The following MDM1 variants were observed in gnomAD, a reference collection of about 807,000 sequenced individuals.
MDM1 encodes stabilizer of axonemal microtubules 6, also known as Mdm1 nuclear protein.
A neutral mutation model predicts 89.1 loss-of-function variants in MDM1; 61 were observed. The ratio of observed to expected loss-of-function variants is 0.68; its 90% CI spans 0.56 to 0.85. MDM1 has a LOEUF of 0.85. Ranked by LOEUF, MDM1 falls within the 40% of genes least tolerant of loss-of-function variation. MDM1 has a pLI of 0.00. For synonymous variants in MDM1, 290 were observed against 294.1 expected (o/e 0.99, Z 0.14); for missense variants, 820 against 846.5 (o/e 0.97, Z 0.39).
chr12:68,319,591 T>C (rs1874954059), intron 7 of MDM1, among the ~76,000 whole-genome samples: 1 of 152,174 alleles, frequency 6.6e-6, no homozygotes, highest in African/African-American at 2.4e-5. Flanking sequence ...AAGTAAAACA[T>C]GGCTCATATT....
intron 5 of MDM1, among the ~76,000 whole-genome samples, chr12:68,322,559 G>A (rs922564479): frequency 4.6e-5 from 7 of 152,098 alleles, no homozygotes; most frequent in Non-Finnish European, 7.4e-5. Flanking sequence ...GCTTGAATCC[G>A]GGAGGCAGAG....
At chr12:68,328,471 G>A (rs1876329131) in intron 2 of MDM1, among the ~76,000 whole-genome samples, 1 of 152,130 alleles carries the variant, frequency 6.6e-6, no homozygotes, top group South Asian at 2.1e-4. Flanking sequence ...GGCTAAATTG[G>A]CAACTCCAGA....
intron 4 of MDM1, among the ~76,000 whole-genome samples, chr12:68,324,208 G>A (rs1031853146): frequency 5.9e-5 from 9 of 152,000 alleles, no homozygotes; most frequent in African/African-American, 2.2e-4. Flanking sequence ...TCTACACAAC[G>A]CTTTCACTGA....
intron 13 of MDM1, among the ~76,000 whole-genome samples, chr12:68,300,029 T>A (rs1871934278): frequency 6.6e-6 from 1 of 152,312 alleles, no homozygotes; most frequent in Non-Finnish European, 1.5e-5. Context: ...TGGGGTCCTA[T>A]CTTTAGCCTC....
chr12:68,313,250 T>C (rs1326362420), intron 12 of MDM1, among the ~76,000 whole-genome samples, 193 bp downstream of exon 12: 1 of 152,214 alleles, frequency 6.6e-6, no homozygotes, highest in Non-Finnish European at 1.5e-5. Flanking sequence ...AGGTTGAAAG[T>C]GTATCAACAA....
At chr12:68,314,149 A>C (rs1431586182) in intron 10 of MDM1, among the ~76,000 whole-genome samples, 1 of 151,952 alleles carries the variant, frequency 6.6e-6, no homozygotes, top group Non-Finnish European at 1.5e-5. Context: ...AAAAAAAAAA[A>C]AAAAACTTGT....
At chr12:68,304,265 A>G (rs1452711360) in intron 12 of MDM1, among the ~76,000 whole-genome samples, 1 of 152,174 alleles carries the variant, frequency 6.6e-6, no homozygotes, top group Non-Finnish European at 1.5e-5. Flanking sequence ...AAAAAAATTA[A>G]ATTAAATTAA....
chr12:68,331,877 G>A (rs1026376078), intron 1 of MDM1: 2 of 576,216 alleles, frequency 3.5e-6, no homozygotes, highest in Non-Finnish European at 6.5e-6. Flanking sequence ...GGTAATGGGG[G>A]TTAAATGCTA....
At chr12:68,330,984 C>A in intron 2 of MDM1, 123 bp downstream of exon 2, 1 of 659,216 alleles carries the variant, frequency 1.5e-6, no homozygotes, top group South Asian at 1.8e-5. Context: ...ACCAGGCCAA[C>A]TGAACTTTTA....
chr12:68,316,279 A>G (rs1413267804), intron 8 of MDM1, 26 bp from the exon 9 acceptor site: 2 of 1,587,280 alleles, frequency 1.3e-6, no homozygotes, highest in South Asian at 1.1e-5. Flanking sequence ...CAGACATCAT[A>G]TACTATTGTA....
intron 4 of MDM1, among the ~76,000 whole-genome samples, chr12:68,323,795 A>G (rs2121109231): frequency 6.6e-6 from 1 of 152,304 alleles, no homozygotes; most frequent in Non-Finnish European, 1.5e-5. Flanking sequence ...AAGGAAAGCA[A>G]ATGGAAAAGA....
chr12:68,318,794 C>T lies in MDM1; in HGVS notation c.1006-2184G>A, dbSNP rs987485674. Among the ~76,000 whole-genome samples the T allele has an allele frequency of 3.3e-5, 5 of 152,220 alleles. No individual in the cohort carries two copies. In the East Asian group the frequency reaches 9.6e-4, roughly 29 times the overall value. Reference sequence around the variant, plus strand: ...TGTTATCATATTATATATTATGATACAATTATAAGTAGAATGTTTCCTTTT... The same window carrying T: ...TGTTATCATATTATATATTATGATATAATTATAAGTAGAATGTTTCCTTTT... On this transcript the variant is annotated intron_variant, in intron 7 of 14. Coordinates refer to ENST00000682720, the MANE Select transcript of MDM1 (RefSeq NM_001354969.2).
At chr12:68,320,972 G>C (rs1407010538) in intron 7 of MDM1, 1 of 162,310 alleles carries the variant, frequency 6.2e-6, no homozygotes, top group African/African-American at 2.4e-5. Flanking sequence ...TTGACAATGG[G>C]CATCACTATC....
intron 14 of MDM1, among the ~76,000 whole-genome samples, chr12:68,295,951 T>C (rs1455592180): frequency 6.6e-6 from 1 of 152,208 alleles, no homozygotes; most frequent in South Asian, 2.1e-4. Context: ...GATTCAAAGT[T>C]GTCAGACATT....
chr12:68,302,122 T>C (rs1872247075), intron 13 of MDM1, among the ~76,000 whole-genome samples: 1 of 152,068 alleles, frequency 6.6e-6, no homozygotes, highest in African/African-American at 2.4e-5. Flanking sequence ...TTCAGAACAT[T>C]AGATATGAAG....
chr12:68,327,482 G>C (rs766863345), intron 2 of MDM1: 15 of 1,535,928 alleles, frequency 9.8e-6, no homozygotes, highest in Non-Finnish European at 1.3e-5. Flanking sequence ...CACTGTGCTG[G>C]ATCTTGGTTC....
At chr12:68,316,696 C>G (rs539366588) in intron 7 of MDM1, 86 bp from the exon 8 acceptor site, 4 of 1,066,676 alleles carry the variant, frequency 3.7e-6, no homozygotes, top group Non-Finnish European at 5.4e-6. Context: ...ACATTATTCT[C>G]CCTTCTAAAT....
intron 12 of MDM1, among the ~76,000 whole-genome samples, 174 bp downstream of exon 12, chr12:68,313,269 T>C (rs981204219): frequency 1.3e-5 from 2 of 152,228 alleles, no homozygotes; most frequent in African/African-American, 4.8e-5. Flanking sequence ...AAAAACGTAA[T>C]GCTTCTAACA....
rs1244762235 is a variant in MDM1 at position 68,326,724 on chromosome 12, G to A, written c.431C>T (p.Thr144Ile). The A allele has an allele frequency of 1.9e-6, 3 of 1,614,012 alleles. No individual in the cohort carries two copies. The highest frequency in any genetic ancestry group is 3.3e-5 in the Admixed American group (2 of 59,996). The change falls in exon 3 of 15, where the codon ACA (threonine) becomes ATA (isoleucine). Residue 144 changes from threonine (T) to isoleucine (I), a missense_variant. By Grantham distance (89) the Thr-to-Ile change is moderately conservative (BLOSUM62 -1). Transcript: ENST00000682720. ...VENNEGVTNHTPVNENVELEH... is the reference protein window; with the variant it reads ...VENNEGVTNHIPVNENVELEH... ...CAGTTCCACATTTTCATTAACTGGT[G>A]TATGGTTTGTTACACCCTCATTATT...
Sources: gnomAD v4.1 joint callset for allele counts (sites outside exome capture counted in the v4.1 genomes callset) on GRCh38, gnomAD v4.1.1 for gene constraint, MANE v1.5 for transcripts, NCBI Gene and HGNC (gene_info 2026-07-23, HGNC 2026-07-21) for gene names.